Variants in DSCAM observed in about 807,000 individuals in gnomAD.
DSCAM encodes the protein DS cell adhesion molecule.
Under a neutral mutation model 217.7 loss-of-function variants are expected in DSCAM, and 47 were observed. The ratio of observed to expected loss-of-function variants is 0.22; its 90% CI spans 0.17 to 0.28. The LOEUF is 0.28. DSCAM is among the 10% of genes least tolerant of loss of function. The pLI, the probability that DSCAM is intolerant of heterozygous loss-of-function variation, is 1.00. For missense variants in DSCAM, 2,080 were observed against 2,618.3 expected (o/e 0.79, Z 4.49); for synonymous variants, 1,056 against 1,015.3 (o/e 1.04, Z -0.76).
At chr21:40,013,808 C>T (rs1367434869) in intron 32 of DSCAM, among the ~76,000 whole-genome samples, 1 of 152,186 alleles carries the variant, frequency 6.6e-6, no homozygotes, top group Non-Finnish European at 1.5e-5. Flanking sequence ...GGACGCCAAG[C>T]GAAGATGGAC....
intron 11 of DSCAM, among the ~76,000 whole-genome samples, chr21:40,240,227 G>C (rs1277132609): frequency 1.3e-5 from 2 of 152,046 alleles, no homozygotes; most frequent in African/African-American, 2.4e-5. Flanking sequence ...GCAGGTGAAG[G>C]CTGGCCACAT....
intron 3 of DSCAM, among the ~76,000 whole-genome samples, chr21:40,581,455 T>C (rs2076905159): frequency 6.6e-6 from 1 of 152,208 alleles, no homozygotes; most frequent in African/African-American, 2.4e-5. Context: ...CAGAGCCAGG[T>C]TTGCTTAGCC....
intron 3 of DSCAM, among the ~76,000 whole-genome samples, chr21:40,540,656 G>C (rs995901972): frequency 2.0e-5 from 3 of 152,032 alleles, no homozygotes; most frequent in African/African-American, 7.2e-5. Flanking sequence ...CAAAAGAGAG[G>C]GGGTGCTGCT....
At chr21:40,310,284 C>T (rs2074123544) in intron 9 of DSCAM, among the ~76,000 whole-genome samples, 1 of 150,330 alleles carries the variant, frequency 6.7e-6, no homozygotes, top group Non-Finnish European at 1.5e-5. Flanking sequence ...TAGATTGGGA[C>T]CAAAAAATGC....
intron 3 of DSCAM, among the ~76,000 whole-genome samples, chr21:40,519,494 C>T (rs1014199793): frequency 6.6e-6 from 1 of 152,134 alleles, no homozygotes; most frequent in Non-Finnish European, 1.5e-5. Context: ...GACCCCTTGC[C>T]CCTTTGGCCA....
chr21:40,183,469 G>A (rs2090860077), intron 14 of DSCAM, among the ~76,000 whole-genome samples: 1 of 152,238 alleles, frequency 6.6e-6, no homozygotes, highest in South Asian at 2.1e-4. Context: ...CATGACCAGA[G>A]TTAGGGGGGC....
At chr21:40,678,470 G>A (rs1009699802) in intron 3 of DSCAM, among the ~76,000 whole-genome samples, 3 of 152,162 alleles carry the variant, frequency 2.0e-5, no homozygotes, top group African/African-American at 4.8e-5. Context: ...ATGAGAAATC[G>A]GAGCCAGTGA....
intron 3 of DSCAM, among the ~76,000 whole-genome samples, chr21:40,405,205 A>C (rs2075269906): frequency 6.6e-6 from 1 of 152,216 alleles, no homozygotes; most frequent in African/African-American, 2.4e-5. Context: ...CACTGAGCAG[A>C]GGTAGACCCT....
Position 40,594,680 on chromosome 21 carries a change from CATAATCAATAACTTGTAG to C in DSCAM, c.508+98112_508+98129del, listed in dbSNP as rs542083568. ...TGAACAGAGGGTCGCATGCCATAAT[CATAATCAATAACTTGTAG>C]ATAATCAATAACTTGTATGTAGATA... On this transcript the variant is annotated intron_variant, in intron 3 of 32. Coordinates refer to ENST00000400454, the MANE Select transcript of DSCAM (RefSeq NM_001389.5). Among the ~76,000 whole-genome samples the C allele has an allele frequency of 3.9e-5, 6 of 152,182 alleles. No individual in the cohort carries two copies. The South Asian group carries it at 1.0e-3, about 26-fold the overall frequency.
intron 1 of DSCAM, among the ~76,000 whole-genome samples, chr21:40,749,776 TG>T (rs2091209293): frequency 6.6e-6 from 1 of 152,170 alleles, no homozygotes; most frequent in African/African-American, 2.4e-5. Context: ...CTGTACTCCA[TG>T]TTTACTCCAG....
At position 40,013,292 on chromosome 21, in the gene DSCAM, T is replaced by C. The variant is rs1459402949; in HGVS notation, c.5781A>G (p.Ala1927=). 1 of 1,613,304 alleles carries C rather than the reference T, an allele frequency of 6.2e-7. No individual in the cohort carries two copies. Among genetic ancestry groups the C allele is most frequent in the Non-Finnish European group, 8.5e-7 (1 of 1,179,682 alleles). Residue 1927 remains alanine (A), a synonymous_variant, in exon 33 of 33, where the codon GCA becomes GCG. Transcript: ENST00000400454. ...TCCGGCTTTTCTGAGGTTCCAAGCA[T>C]GCTTGTCCTAAGCTCAGGTCCCTGC... ...GTSRDLSLGQ[A]CLEPQKSRTL... is the part of the protein sequence containing the mutation.
intron 2 of DSCAM, among the ~76,000 whole-genome samples, chr21:40,700,810 T>C (rs1774302036): frequency 6.6e-6 from 1 of 151,670 alleles, no homozygotes; most frequent in Admixed American, 6.6e-5. Context: ...AATCTTGGCT[T>C]ACTGTAACCT....
chr21:40,462,769 T>C (rs796820718), intron 3 of DSCAM, among the ~76,000 whole-genome samples: 5 of 152,294 alleles, frequency 3.3e-5, no homozygotes, highest in African/African-American at 1.2e-4. Context: ...AATCCCTAGA[T>C]GATTCTAATG....
At chr21:40,638,700 G>T (rs1159124176) in intron 3 of DSCAM, among the ~76,000 whole-genome samples, 3 of 152,090 alleles carry the variant, frequency 2.0e-5, no homozygotes, top group Admixed American at 2.0e-4. Flanking sequence ...TAATAACTCA[G>T]CAATTACGAG....
At chr21:40,487,064 C>A (rs750512963) in intron 3 of DSCAM, among the ~76,000 whole-genome samples, 4 of 152,090 alleles carry the variant, frequency 2.6e-5, no homozygotes, top group Non-Finnish European at 4.4e-5. Flanking sequence ...AGAATAAGAC[C>A]ATGAGGAACT....
rs1364699331 is a variant in DSCAM, at chr21:40,105,020, A to G, written c.3697-11146T>C. 2.0e-5 allele frequency among the ~76,000 whole-genome samples: 3 copies of G among 152,192 alleles called. No individual in the cohort carries two copies. The East Asian group carries it at 5.8e-4, about 29-fold the overall frequency. ...ATGCTTAGTGACAGGTTATCTGACAAATCAGGCAGGCAGTCTTATGAGACT... is the reference window on the plus strand; with the variant it reads ...ATGCTTAGTGACAGGTTATCTGACAGATCAGGCAGGCAGTCTTATGAGACT... On this transcript the variant is annotated intron_variant, in intron 20 of 32. Transcript: ENST00000400454.
At chr21:40,836,079 A>G (rs539323473) in intron 1 of DSCAM, among the ~76,000 whole-genome samples, 5 of 152,314 alleles carry the variant, frequency 3.3e-5, no homozygotes, top group African/African-American at 1.2e-4. Context: ...GCATCAAAGC[A>G]AAACCTCTAG....
intron 11 of DSCAM, among the ~76,000 whole-genome samples, chr21:40,209,252 G>T (rs2091158021): frequency 6.6e-6 from 1 of 152,194 alleles, no homozygotes; most frequent in Non-Finnish European, 1.5e-5. Flanking sequence ...GGATGAGTGA[G>T]AAGGTTATGC....
Position 40,731,503 on chromosome 21 carries a change from T to C in DSCAM, c.44-22732A>G, listed in dbSNP as rs557184786. 6.6e-5 allele frequency among the ~76,000 whole-genome samples: 10 copies of C among 152,228 alleles called. No individual in the cohort carries two copies. In the East Asian group the frequency reaches 1.9e-3, roughly 29 times the overall value. On this transcript the variant is annotated intron_variant, in intron 1 of 32. Transcript: ENST00000400454. ...GGTGGCTTAAACAACAGAAATATTTTTTTTCATGGTTCTGGAGGTTAGAAG... is the reference window on the plus strand; with the variant it reads ...GGTGGCTTAAACAACAGAAATATTTCTTTTCATGGTTCTGGAGGTTAGAAG...
Sources: allele counts gnomAD v4.1 joint callset (sites outside exome capture counted in the v4.1 genomes callset), GRCh38; gene constraint gnomAD v4.1.1; transcripts MANE v1.5; gene names NCBI Gene and HGNC (gene_info 2026-07-23, HGNC 2026-07-21).